The following HYDIN variants were observed in gnomAD, a reference collection of about 807,000 sequenced individuals.
HYDIN encodes the protein axonemal central pair apparatus protein HYDIN.
In HYDIN, 132 loss-of-function variants were observed where a neutral mutation model predicts 403.9. The ratio of observed to expected loss-of-function variants is 0.33; its 90% CI spans 0.28 to 0.38. The LOEUF (loss-of-function observed/expected upper bound fraction) is 0.38, where lower values mean the gene tolerates loss of function less well. Ranked by LOEUF, HYDIN falls within the 10% of genes least tolerant of loss-of-function variation. HYDIN has a pLI of 1.00. For missense variants in HYDIN, 2,827 were observed against 5,009.5 expected, an observed-to-expected ratio of 0.56 and a Z score of 13.15; for synonymous variants, 1,202 against 1,891.7, an observed-to-expected ratio of 0.64 and a Z score of 9.46.
chr16:70,810,559 C>T (rs928583552), intron 84 of HYDIN, among the ~76,000 whole-genome samples: 1 of 152,148 alleles, frequency 6.6e-6, no homozygotes, highest in African/African-American at 2.4e-5. Context: ...GGGCCTGGTG[C>T]GGTGGCTCAT....
intron 12 of HYDIN, among the ~76,000 whole-genome samples, chr16:71,087,545 T>C (rs1490155270): frequency 7.3e-6 from 1 of 137,606 alleles, no homozygotes; most frequent in East Asian, 2.0e-4. Flanking sequence ...AACATATAAA[T>C]TCTGCGGGAA....
intron 7 of HYDIN, among the ~76,000 whole-genome samples, chr16:71,139,280 G>C (rs1343077546): frequency 6.6e-6 from 1 of 151,952 alleles, no homozygotes; most frequent in Admixed American, 6.6e-5. Flanking sequence ...ATTTTTTGGG[G>C]GGGGAAAGGT....
chr16:70,981,381 G>C lies in HYDIN; in HGVS notation c.4510+10C>G. On this transcript the variant is annotated intron_variant, in intron 29 of 85. Coordinates refer to ENST00000393567, the MANE Select transcript of HYDIN (RefSeq NM_001270974.2). ...CCCCAGTGGGGAACTACTCCAGTGT[G>C]AAGTACTACCTGTGAGGTTCCTGGG... The C allele has an allele frequency of 6.2e-7, 1 of 1,611,558 alleles. No individual in the cohort carries two copies. Among genetic ancestry groups the C allele is most frequent in the Non-Finnish European group, 8.5e-7 (1 of 1,178,808 alleles).
At chr16:70,928,787 G>A (rs1249198238) in intron 45 of HYDIN, among the ~76,000 whole-genome samples, 1 of 109,732 alleles carries the variant, frequency 9.1e-6, no homozygotes, top group East Asian at 2.5e-4. Flanking sequence ...AAGAAATGAT[G>A]GCTGGCAAGG....
chr16:71,017,006 G>C (rs1011491318), intron 23 of HYDIN, among the ~76,000 whole-genome samples: 1 of 151,562 alleles, frequency 6.6e-6, no homozygotes. Flanking sequence ...TGCTGTTCTC[G>C]TGATTGTGAG....
intron 49 of HYDIN, among the ~76,000 whole-genome samples, chr16:70,907,767 A>G (rs2076575941): frequency 6.6e-6 from 1 of 152,090 alleles, no homozygotes; most frequent in African/African-American, 2.4e-5. Context: ...AGCTGAAAAC[A>G]TTCCTGAGAA....
rs760517494 is a variant in HYDIN at position 71,069,444 on chromosome 16, G to A, written c.1797C>T (p.Tyr599=). Residue 599 remains tyrosine (Y), a synonymous_variant, in exon 14 of 86, where the codon TAC becomes TAT. Transcript: ENST00000393567. ...LNNTSLIPMT[Y]KLRIPGDGLG... is the part of the protein sequence containing the mutation. Reference sequence around the variant, plus strand: ...GGCCATCCCCAGGGATACGCAGTTTGTAAGTCATGGGGATCAAAGAGGTAT... The same window carrying A: ...GGCCATCCCCAGGGATACGCAGTTTATAAGTCATGGGGATCAAAGAGGTAT... 6.2e-7 allele frequency: 1 copy of A among 1,613,972 alleles called. No individual in the cohort carries two copies.
At position 70,804,014 on chromosome 16, in the gene HYDIN, C is replaced by T. The variant is rs1379651773; in HGVS notation, c.*3566G>A. 6.6e-6 allele frequency among the ~76,000 whole-genome samples: 1 copy of T among 152,236 alleles called. No homozygotes were observed. The highest frequency in any genetic ancestry group is 2.4e-5 in the African/African-American group (1 of 41,462). On this transcript the variant is annotated 3_prime_UTR_variant, in exon 86 of 86. Transcript: ENST00000393567. Reference sequence around the variant, plus strand: ...GATTCTCCAATGTAACTTCCACAAGCATGTGTTGGAAGGGTTATTTTCATC... The same window carrying T: ...GATTCTCCAATGTAACTTCCACAAGTATGTGTTGGAAGGGTTATTTTCATC...
Position 70,868,628 on chromosome 16 carries a change from G to A in HYDIN, c.11252C>T (p.Thr3751Ile), listed in dbSNP as rs779440759. ...TCTGGGTACGTCCACCCACTTGACTGTGTGCATGCGGTCATCCCAGTCGGG... is the reference window on the plus strand; with the variant it reads ...TCTGGGTACGTCCACCCACTTGACTATGTGCATGCGGTCATCCCAGTCGGG... Reference protein sequence around the residue: ...QVPDWDDRMHTVKWVDVPRNM... With the variant: ...QVPDWDDRMHIVKWVDVPRNM... Residue 3751 changes from threonine (T) to isoleucine (I), a missense_variant, in exon 66 of 86, where the codon ACA becomes ATA. Thr to Ile is a moderately conservative substitution (Grantham distance 89). Coordinates refer to ENST00000393567, the MANE Select transcript of HYDIN (RefSeq NM_001270974.2). 12 of 1,613,842 alleles carry A rather than the reference G, an allele frequency of 7.4e-6. No homozygotes were observed. The highest frequency in any genetic ancestry group is 1.1e-5 in the South Asian group (1 of 91,074).
chr16:70,876,288 C>T (rs1191121117), intron 62 of HYDIN, among the ~76,000 whole-genome samples: 2 of 140,920 alleles, frequency 1.4e-5, no homozygotes, highest in East Asian at 2.0e-4. Context: ...CGGGTTCTGG[C>T]GATTCTCCTG....
chr16:71,194,289 T>C (rs2087583511), intron 1 of HYDIN, among the ~76,000 whole-genome samples: 1 of 152,142 alleles, frequency 6.6e-6, no homozygotes, highest in South Asian at 2.1e-4. Context: ...CACGGGCCTG[T>C]AATCCCAGCT....
At chr16:71,077,960 T>C (rs939692936) in intron 13 of HYDIN, among the ~76,000 whole-genome samples, 4 of 151,466 alleles carry the variant, frequency 2.6e-5, no homozygotes, top group African/African-American at 7.3e-5. Flanking sequence ...TGAGATGATA[T>C]AAATTGTGGT....
chr16:70,913,165 T>C (rs2076741021), intron 47 of HYDIN, among the ~76,000 whole-genome samples: 1 of 151,372 alleles, frequency 6.6e-6, no homozygotes, highest in Admixed American at 6.6e-5. Flanking sequence ...TTATTTCCTT[T>C]CTTCTGCTGG....
In HYDIN at chr16:70,807,520, T is replaced by C. The variant is rs2035162506; in HGVS notation, c.*60A>G. ...TTTAGAATTCTTATTGTTTTCTCTA[T>C]TCTTTTTCAGGCTAAGACAATGCAT... On this transcript the variant is annotated 3_prime_UTR_variant, in exon 86 of 86. Coordinates refer to ENST00000393567, the MANE Select transcript of HYDIN (RefSeq NM_001270974.2). 1 of 1,511,758 alleles carries C rather than the reference T, an allele frequency of 6.6e-7. No individual in the cohort carries two copies. Among genetic ancestry groups the C allele is most frequent in the Non-Finnish European group, 8.9e-7 (1 of 1,127,552 alleles). The allele number at this position is 1,511,758 out of a possible 1,614,324, so 93.6% of individuals were successfully genotyped here. A position where few individuals can be genotyped will look rare whatever the true frequency, so the allele number is the denominator to read the frequency against.
At chr16:71,129,617 T>C (rs758390194) in intron 9 of HYDIN, 23 bp downstream of exon 9, 3 of 1,577,970 alleles carry the variant, frequency 1.9e-6, no homozygotes, top group Admixed American at 1.9e-5. Context: ...TCCTGTATGG[T>C]CAGCTTTTAT....
At chr16:70,961,335 C>G (rs2078413259) in intron 38 of HYDIN, among the ~76,000 whole-genome samples, 1 of 152,054 alleles carries the variant, frequency 6.6e-6, no homozygotes, top group Admixed American at 6.6e-5. Context: ...TTCATTTACT[C>G]ACCTGGTTGA....
intron 54 of HYDIN, among the ~76,000 whole-genome samples, chr16:70,895,429 G>C (rs2076173380): frequency 6.6e-6 from 1 of 151,386 alleles, no homozygotes; most frequent in Admixed American, 6.6e-5. Flanking sequence ...GAGAACCAGA[G>C]AAAAGGCAAC....
rs971205306 is a variant in HYDIN, at chr16:70,803,196, A to T, written c.*4384T>A. The stretch of plus-strand genomic sequence containing the variant: ...ACCAGAAGTATTCTTTTCTCCTGAA[A>T]TTATATTCTGGCTCAGGTTGCTAAG... On this transcript the variant is annotated 3_prime_UTR_variant, in exon 86 of 86. Transcript: ENST00000393567. Among the ~76,000 whole-genome samples, 2 of 152,142 alleles carry T rather than the reference A, an allele frequency of 1.3e-5. No individual in the cohort carries two copies. Among genetic ancestry groups the T allele is most frequent in the African/African-American group, 4.8e-5 (2 of 41,426 alleles).
chr16:70,838,147 T>C (rs1393971946), intron 76 of HYDIN, among the ~76,000 whole-genome samples: 1 of 152,140 alleles, frequency 6.6e-6, no homozygotes, highest in Non-Finnish European at 1.5e-5. Context: ...CATCACCCTT[T>C]GCCCAATATT....
Sources: gnomAD v4.1 joint callset for allele counts (sites outside exome capture counted in the v4.1 genomes callset) on GRCh38, gnomAD v4.1.1 for gene constraint, MANE v1.5 for transcripts, NCBI Gene and HGNC (gene_info 2026-07-23, HGNC 2026-07-21) for gene names.